Variants in NOS1 observed in about 807,000 individuals in gnomAD.
The protein encoded by NOS1 is NOS type I.
A neutral mutation model predicts 164.5 loss-of-function variants in NOS1; 51 were observed. That is an observed-to-expected ratio of 0.31 (90% CI 0.25 to 0.39). The LOEUF (loss-of-function observed/expected upper bound fraction) is 0.39, where lower values mean the gene tolerates loss of function less well. NOS1 is among the 10% of genes least tolerant of loss of function. The pLI, the probability that NOS1 is intolerant of heterozygous loss-of-function variation, is 1.00. For synonymous variants in NOS1, 719 were observed against 745.8 expected, an observed-to-expected ratio of 0.96 and a Z score of 0.59; for missense variants, 1,362 against 1,885.6, an observed-to-expected ratio of 0.72 and a Z score of 5.14.
rs1027431500 is a variant in NOS1 at position 117,211,965 on chromosome 12, C to T, written c.*3344G>A. The T allele has an allele frequency of 4.9e-5, 32 of 653,504 alleles. No individual in the cohort carries two copies. Among genetic ancestry groups the T allele is most frequent in the African/African-American group, 7.9e-5 (4 of 50,678 alleles). 40.5% of individuals were successfully genotyped at this position (653,504 alleles called of 1,614,324 possible). A position where few individuals can be genotyped will look rare whatever the true frequency, so the allele number is the denominator to read the frequency against. On this transcript the variant is annotated 3_prime_UTR_variant, in exon 29 of 29. Coordinates refer to ENST00000317775, the MANE Select transcript of NOS1 (RefSeq NM_000620.5). ...CTGTAGTCCCAGTTACTCAGGAGGCCGAGGCAGAAGAATCACTTGAACTGG... is the reference window on the plus strand; with the variant it reads ...CTGTAGTCCCAGTTACTCAGGAGGCTGAGGCAGAAGAATCACTTGAACTGG...
At chr12:117,216,275 C>A (rs1019242195) in intron 28 of NOS1, among the ~76,000 whole-genome samples, 1 of 151,488 alleles carries the variant, frequency 6.6e-6, no homozygotes, top group Non-Finnish European at 1.5e-5. Context: ...CTCCACCTCC[C>A]AGGTTCATGC....
Position 117,208,728 on chromosome 12 carries a change from C to CTTTTTTTTTT in NOS1, c.*6571_*6580dup, listed in dbSNP as rs10644899. 1 of 762,624 alleles carries CTTTTTTTTTT rather than the reference C, an allele frequency of 1.3e-6. No individual in the cohort carries two copies. Among genetic ancestry groups the CTTTTTTTTTT allele is most frequent in the African/African-American group, 2.1e-5 (1 of 48,650 alleles). 47.2% of individuals were successfully genotyped at this position (762,624 alleles called of 1,614,324 possible). A position where few individuals can be genotyped will look rare whatever the true frequency, so the allele number is the denominator to read the frequency against. On this transcript the variant is annotated 3_prime_UTR_variant, in exon 29 of 29. Coordinates refer to ENST00000317775, the MANE Select transcript of NOS1 (RefSeq NM_000620.5). ...CATCCTCTGTTCTGGCATGGGAGGG[C>CTTTTTTTTTT]TTTTTTTTTTTTTTCCACAGGGTCT... is the stretch of plus-strand genomic sequence containing the variant.
intron 3 of NOS1, among the ~76,000 whole-genome samples, chr12:117,307,431 G>A (rs1478173182): frequency 1.3e-5 from 2 of 152,106 alleles, no homozygotes. Context: ...CACTAACAGG[G>A]CTCACTGTAG....
chr12:117,274,413 A>T (rs1314446159), intron 9 of NOS1, among the ~76,000 whole-genome samples: 1 of 152,186 alleles, frequency 6.6e-6, no homozygotes, highest in Non-Finnish European at 1.5e-5. Flanking sequence ...CAGATCCTCA[A>T]AAAACTGCAA....
At chr12:117,264,496 C>A (rs577901379) in intron 12 of NOS1, among the ~76,000 whole-genome samples, 7 of 149,446 alleles carry the variant, frequency 4.7e-5, no homozygotes, top group Non-Finnish European at 7.4e-5. Flanking sequence ...CTTTCTCTTT[C>A]TTTCTCTCTC....
intron 17 of NOS1, among the ~76,000 whole-genome samples, chr12:117,250,577 C>G (rs900852624): frequency 4.6e-5 from 7 of 152,178 alleles, no homozygotes; most frequent in African/African-American, 1.7e-4. Flanking sequence ...GATCCACACA[C>G]CTTGGCCTCC....
chr12:117,290,835 G>T (rs1002893506), intron 3 of NOS1, among the ~76,000 whole-genome samples: 1 of 152,100 alleles, frequency 6.6e-6, no homozygotes, highest in Non-Finnish European at 1.5e-5. Flanking sequence ...AAGCTGGGTC[G>T]ATTTACTTGG....
chr12:117,243,682 A>G lies in NOS1; in HGVS notation c.2824-247T>C, dbSNP rs570743886. ...CTTCCATCCATTCACCCATCCACTC[A>G]TCTACTCTTCCATTCATCTACCCTT... On this transcript the variant is annotated intron_variant, in intron 18 of 28. Transcript: ENST00000317775. The surrounding 1 kb of genome is among the most constrained non-coding windows in gnomAD (Gnocchi z 4.3). Among the ~76,000 whole-genome samples, 11 of 149,310 alleles carry G rather than the reference A, an allele frequency of 7.4e-5. 1 individual carries two copies. The South Asian group carries it at 2.4e-3, about 32-fold the overall frequency.
chr12:117,306,345 TCCATA>T (rs1874145035), intron 3 of NOS1, among the ~76,000 whole-genome samples: 1 of 152,132 alleles, frequency 6.6e-6, no homozygotes, highest in Non-Finnish European at 1.5e-5. Flanking sequence ...AGGCAAGCTC[TCCATA>T]TATCTTCCTG....
chr12:117,336,518 T>G (rs1438195050), intron 1 of NOS1, among the ~76,000 whole-genome samples: 1 of 152,136 alleles, frequency 6.6e-6, no homozygotes. Flanking sequence ...AAGAGTAAAG[T>G]GCACATTGAC....
chr12:117,250,762 C>T (rs984287776), intron 17 of NOS1, among the ~76,000 whole-genome samples: 1 of 152,110 alleles, frequency 6.6e-6, no homozygotes, highest in African/African-American at 2.4e-5. Context: ...GAAAGGGAAA[C>T]CCTACCCAAA....
chr12:117,224,690 A>G (rs1868496303), intron 25 of NOS1, among the ~76,000 whole-genome samples: 1 of 152,242 alleles, frequency 6.6e-6, no homozygotes, highest in Non-Finnish European at 1.5e-5. Flanking sequence ...CTTGAATAAC[A>G]GTCTTTGCAA....
At chr12:117,259,266 C>T in intron 14 of NOS1, 136 bp from the exon 15 acceptor site, 1 of 629,690 alleles carries the variant, frequency 1.6e-6, no homozygotes. Context: ...TTTGGGTCAT[C>T]TCCTTTGGAA....
In NOS1 at chr12:117,234,953, C is replaced by T. The variant is rs141919730; in HGVS notation, c.3042-195G>A. 6.6e-6 allele frequency among the ~76,000 whole-genome samples: 1 copy of T among 151,900 alleles called. No homozygotes were observed. The highest frequency in any genetic ancestry group is 2.4e-5 in the African/African-American group (1 of 41,392). ...TATTATGGTGAGATAGGGTTTTGCT[C>T]TGTCACCCTGGCTGGAGTGCAGTGG... On this transcript the variant is annotated intron_variant, in intron 20 of 28. Coordinates refer to ENST00000317775, the MANE Select transcript of NOS1 (RefSeq NM_000620.5). The surrounding 1 kb of genome is among the most constrained non-coding windows in gnomAD (Gnocchi z 4.3).
At chr12:117,341,579 GTTC>G (rs974661362) in intron 1 of NOS1, among the ~76,000 whole-genome samples, 2 of 152,160 alleles carry the variant, frequency 1.3e-5, no homozygotes, top group Non-Finnish European at 2.9e-5. Flanking sequence ...TGGGGCTAAG[GTTC>G]TTAAGTTCCT....
intron 18 of NOS1, among the ~76,000 whole-genome samples, chr12:117,244,442 T>C (rs1484343871): frequency 6.6e-6 from 1 of 152,148 alleles, no homozygotes; most frequent in Non-Finnish European, 1.5e-5. Context: ...TTTCGCCATG[T>C]TGGCCAGGCT....
At chr12:117,319,147 G>C (rs1052219723) in intron 2 of NOS1, among the ~76,000 whole-genome samples, 1 of 152,148 alleles carries the variant, frequency 6.6e-6, no homozygotes, top group African/African-American at 2.4e-5. Flanking sequence ...GAACTTCTGG[G>C]CTCAAGTGAT....
In NOS1 at chr12:117,227,490, G is replaced by T; in HGVS notation, c.3557C>A (p.Pro1186Gln). ...GTGCACTTCATCAGGGTACATGTCTGGGGAGGAGCTGATGGAATAGTAGCG... is the reference window on the plus strand; with the variant it reads ...GTGCACTTCATCAGGGTACATGTCTTGGGAGGAGCTGATGGAATAGTAGCG... ...QPRYYSISSS[P>Q]DMYPDEVHLT... is the part of the protein sequence containing the mutation. The change falls in exon 23 of 29, where the codon CCA (proline) becomes CAA (glutamine). Residue 1186 changes from proline to glutamine, a missense_variant. Physicochemically the swap from Pro to Gln is moderately conservative, Grantham distance 76. Coordinates refer to ENST00000317775, the MANE Select transcript of NOS1 (RefSeq NM_000620.5). The T allele has an allele frequency of 6.2e-7, 1 of 1,613,326 alleles. No homozygotes were observed. Among genetic ancestry groups the T allele is most frequent in the Non-Finnish European group, 8.5e-7 (1 of 1,179,666 alleles).
intron 19 of NOS1, 104 bp from the exon 20 acceptor site, chr12:117,242,809 A>T: frequency 1.1e-6 from 1 of 946,110 alleles, no homozygotes; most frequent in South Asian, 1.4e-5. Context: ...CCAACTACTT[A>T]GGAGGCTGAG....
Sources: allele counts gnomAD v4.1 joint callset (sites outside exome capture counted in the v4.1 genomes callset), GRCh38; gene constraint gnomAD v4.1.1; non-coding constraint Gnocchi (gnomAD v3.1); transcripts MANE v1.5; gene names NCBI Gene and HGNC (gene_info 2026-07-23, HGNC 2026-07-21).